CSMD2: variants seen among roughly 807,000 people sequenced by gnomAD.
CSMD2 encodes the protein CUB and Sushi multiple domains 2, also known as CUB and sushi domain-containing protein 2.
In CSMD2, 130 loss-of-function variants were observed where a neutral mutation model predicts 398.5. The ratio of observed to expected loss-of-function variants is 0.33; its 90% CI spans 0.28 to 0.38. The LOEUF (loss-of-function observed/expected upper bound fraction) is 0.38. Ranked by LOEUF, CSMD2 falls within the 10% of genes least tolerant of loss-of-function variation. CSMD2 has a pLI of 1.00. For missense variants in CSMD2, 3,829 were observed against 4,764.9 expected (o/e 0.80, Z 5.78); for synonymous variants, 1,828 against 1,908.5 (o/e 0.96, Z 1.10).
chr1:34,103,284 T>C (rs2148418112), intron 1 of CSMD2, among the ~76,000 whole-genome samples: 1 of 148,666 alleles, frequency 6.7e-6, no homozygotes, highest in East Asian at 2.0e-4. Context: ...AGCAAACTCC[T>C]TGAGCTTTTT....
chr1:34,089,234 A>G, intron 1 of CSMD2, 41 bp from the exon 2 acceptor site: 4 of 1,565,802 alleles, frequency 2.6e-6, no homozygotes, highest in Non-Finnish European at 3.5e-6. Context: ...AGCCAGAATA[A>G]CTCCTAGAAG....
chr1:33,725,769 T>C (rs1174660704), intron 16 of CSMD2, among the ~76,000 whole-genome samples: 1 of 152,178 alleles, frequency 6.6e-6, no homozygotes, highest in Non-Finnish European at 1.5e-5. Flanking sequence ...CTCTGTGGCC[T>C]GATCTGTGAG....
At chr1:34,143,583 A>T (rs534007679) in intron 1 of CSMD2, among the ~76,000 whole-genome samples, 1 of 152,360 alleles carries the variant, frequency 6.6e-6, no homozygotes, top group East Asian at 1.9e-4. Flanking sequence ...TGTGGGCCAA[A>T]GGACAGATCC....
At chr1:33,651,806 AAC>A (rs1232960743) in intron 28 of CSMD2, among the ~76,000 whole-genome samples, 2 of 152,194 alleles carry the variant, frequency 1.3e-5, no homozygotes, top group African/African-American at 2.4e-5. Context: ...TGGAGGCAGA[AAC>A]CAGGTTCCAG....
At chr1:33,878,862 C>G (rs1641033698) in intron 5 of CSMD2, among the ~76,000 whole-genome samples, 1 of 152,198 alleles carries the variant, frequency 6.6e-6, no homozygotes, top group Non-Finnish European at 1.5e-5. Flanking sequence ...TGCTATTGTG[C>G]TTTGTAGTCC....
chr1:34,077,991 T>C (rs1464861120), intron 2 of CSMD2, among the ~76,000 whole-genome samples: 1 of 152,144 alleles, frequency 6.6e-6, no homozygotes, highest in African/African-American at 2.4e-5. Context: ...CTTGTACTCA[T>C]GAAATTTTTT....
chr1:33,609,987 T>TGA (rs1178277050), intron 41 of CSMD2, among the ~76,000 whole-genome samples: 1 of 152,202 alleles, frequency 6.6e-6, no homozygotes, highest in Non-Finnish European at 1.5e-5. Context: ...AAAAGAGGCC[T>TGA]GAGAGAGCTC....
chr1:33,772,735 A>G lies in CSMD2; in HGVS notation c.1680T>C (p.Ser560=). 1 of 1,613,152 alleles carries G rather than the reference A, an allele frequency of 6.2e-7. No homozygotes were observed. Among genetic ancestry groups the G allele is most frequent in the Non-Finnish European group, 8.5e-7 (1 of 1,179,200 alleles). The part of the protein sequence containing the change: ...KASYEEIEQG[S]CGDPGIPAYG... ...ATGCAGGTATGCCAGGGTCACCGCA[A>G]CTGCCCTGCTCGATCTCTGAAAGAC... The change falls in exon 13 of 71, where the codon AGT becomes AGC. Residue 560 remains serine, a synonymous_variant. Coordinates refer to ENST00000373381, the MANE Select transcript of CSMD2 (RefSeq NM_001281956.2).
At chr1:34,120,920 G>T (rs1403540717) in intron 1 of CSMD2, among the ~76,000 whole-genome samples, 1 of 152,146 alleles carries the variant, frequency 6.6e-6, no homozygotes, top group Non-Finnish European at 1.5e-5. Context: ...GCCCAGCGAG[G>T]CATTTCCAAC....
intron 14 of CSMD2, 56 bp downstream of exon 14, chr1:33,743,224 T>C: frequency 6.8e-7 from 1 of 1,464,652 alleles, no homozygotes; most frequent in Non-Finnish European, 9.3e-7. Flanking sequence ...CCTTCGATCA[T>C]CCTCAGAGGC....
At chr1:33,852,686 A>C (rs1254306924) in intron 5 of CSMD2, among the ~76,000 whole-genome samples, 2 of 152,228 alleles carry the variant, frequency 1.3e-5, no homozygotes, top group Non-Finnish European at 2.9e-5. Flanking sequence ...ACTAGCAGGC[A>C]AGCTCCATGG....
At position 33,635,479 on chromosome 1, in the gene CSMD2, ACCCTGCCCTGCCCAAGAACGTGCAC is replaced by A; in HGVS notation, c.4970-174_4970-150del. On this transcript the variant is annotated intron_variant, in intron 30 of 70. Transcript: ENST00000373381. This position sits in a 1 kb window ranked among gnomAD's most constrained non-coding sequence, Gnocchi z 5.0. ...AGCTTGGAGAAGGCAAGTCCTGCGG[ACCCTGCCCTGCCCAAGAACGTGCAC>A]CCCTGGCCTGGCATGTAGCCTGAAA... 1.7e-6 allele frequency: 1 copy of A among 576,534 alleles called. No individual in the cohort carries two copies. Among genetic ancestry groups the A allele is most frequent in the Non-Finnish European group, 3.1e-6 (1 of 322,196 alleles). The allele number at this position is 576,534 out of a possible 1,614,324, so 35.7% of individuals were successfully genotyped here.
intron 1 of CSMD2, among the ~76,000 whole-genome samples, chr1:34,090,823 C>A (rs1658478161): frequency 6.6e-6 from 1 of 152,190 alleles, no homozygotes; most frequent in African/African-American, 2.4e-5. Context: ...TTCAATGGCT[C>A]CTCCTTGCTC....
At chr1:33,701,824 A>T (rs1427112495) in intron 22 of CSMD2, among the ~76,000 whole-genome samples, 1 of 152,258 alleles carries the variant, frequency 6.6e-6, no homozygotes, top group Non-Finnish European at 1.5e-5. Context: ...TTAATCACCG[A>T]AACATATGGA....
At chr1:33,626,844 T>C (rs1463967143) in intron 32 of CSMD2, among the ~76,000 whole-genome samples, 1 of 152,114 alleles carries the variant, frequency 6.6e-6, no homozygotes, top group Non-Finnish European at 1.5e-5. Flanking sequence ...CCTCATTTAA[T>C]AAAGAAGGAA....
In CSMD2 at chr1:33,962,239, T is replaced by G. The variant is rs560943711; in HGVS notation, c.518-26285A>C. On this transcript the variant is annotated intron_variant, in intron 3 of 70. Transcript: ENST00000373381. The stretch of plus-strand genomic sequence containing the variant: ...CCTCTGTTCAGGCTTCATCCATTTT[T>G]AATGATGAGGAGCATGTCTGCCTGA... 1.2e-4 allele frequency among the ~76,000 whole-genome samples: 18 copies of G among 152,248 alleles called. No homozygotes were observed. In the East Asian group the frequency reaches 3.3e-3, roughly 28 times the overall value.
Position 33,617,559 on chromosome 1 carries a change from G to T in CSMD2, c.5886C>A (p.Gly1962=). The change falls in exon 38 of 71, where the codon GGC becomes GGA. Residue 1962 remains glycine, a synonymous_variant. Coordinates refer to ENST00000373381, the MANE Select transcript of CSMD2 (RefSeq NM_001281956.2). The stretch of plus-strand genomic sequence containing the variant: ...CCACATCATTCACCAAGTAGCGCTC[G>T]CCAGTCTTCACCCCGTTACTGGGCA... The part of the protein sequence containing the change: ...PAVPSNGVKT[G]ERYLVNDVVS... 4 of 1,614,056 alleles carry T rather than the reference G, an allele frequency of 2.5e-6. No homozygotes were observed. Among genetic ancestry groups the T allele is most frequent in the Non-Finnish European group, 3.4e-6 (4 of 1,180,002 alleles).
At chr1:33,808,739 G>T (rs563150035) in intron 10 of CSMD2, among the ~76,000 whole-genome samples, 2 of 151,554 alleles carry the variant, frequency 1.3e-5, no homozygotes, top group Admixed American at 1.3e-4. Context: ...AAAGATGAGA[G>T]CAGAAACTGA....
intron 7 of CSMD2, among the ~76,000 whole-genome samples, chr1:33,822,191 T>C (rs558606273): frequency 3.3e-5 from 5 of 151,786 alleles, no homozygotes; most frequent in Non-Finnish European, 5.9e-5. Context: ...GAGCCTGGAG[T>C]GAGGCTAGAC....
Sources: gnomAD v4.1 joint callset for allele counts (sites outside exome capture counted in the v4.1 genomes callset) on GRCh38, gnomAD v4.1.1 for gene constraint, Gnocchi (gnomAD v3.1) non-coding constraint, MANE v1.5 for transcripts, NCBI Gene and HGNC (gene_info 2026-07-23, HGNC 2026-07-21) for gene names.